Variants in RORA observed in about 807,000 individuals in gnomAD.
RORA encodes the protein nuclear receptor ROR-alpha.
A neutral mutation model predicts 69.5 loss-of-function variants in RORA; 7 were observed. The observed-to-expected ratio is 0.10, with a 90% CI of 0.06 to 0.19. RORA has a LOEUF of 0.19. Ranked by LOEUF, RORA falls within the 10% of genes least tolerant of loss-of-function variation. The pLI, the probability that RORA is intolerant of heterozygous loss-of-function variation, is 1.00. For missense variants in RORA, 457 were observed against 663.0 expected, an observed-to-expected ratio of 0.69 and a Z score of 3.41; for synonymous variants, 261 against 240.8, an observed-to-expected ratio of 1.08 and a Z score of -0.78.
intron 1 of RORA, among the ~76,000 whole-genome samples, chr15:61,181,642 A>G (rs1176036555): frequency 4.0e-5 from 6 of 151,768 alleles, no homozygotes; most frequent in Non-Finnish European, 7.4e-5. Context: ...CATTAGCAGA[A>G]CAAAGAAAAA....
At chr15:60,839,384 C>T (rs1261339359) in intron 1 of RORA, among the ~76,000 whole-genome samples, 1 of 152,084 alleles carries the variant, frequency 6.6e-6, no homozygotes, top group Non-Finnish European at 1.5e-5. Context: ...TATTTCTTTA[C>T]TTAATTTATC....
chr15:60,524,508 C>T (rs1244215248), intron 3 of RORA, among the ~76,000 whole-genome samples: 9 of 152,326 alleles, frequency 5.9e-5, no homozygotes, highest in East Asian at 1.9e-4. Flanking sequence ...AGAAGACATT[C>T]GGTTGCTCTG....
intron 1 of RORA, among the ~76,000 whole-genome samples, chr15:61,102,476 G>A (rs948226667): frequency 6.6e-6 from 1 of 152,172 alleles, no homozygotes; most frequent in Non-Finnish European, 1.5e-5. Context: ...CAAGCCTTTC[G>A]TTTTTGCTCT....
chr15:61,125,696 T>C (rs1198560516), intron 1 of RORA, among the ~76,000 whole-genome samples: 1 of 152,252 alleles, frequency 6.6e-6, no homozygotes, highest in East Asian at 1.9e-4. Flanking sequence ...GCAAGAATTT[T>C]CTTGTTCTGT....
At chr15:60,770,909 T>C (rs1050147542) in intron 1 of RORA, among the ~76,000 whole-genome samples, 9 of 152,220 alleles carry the variant, frequency 5.9e-5, no homozygotes, top group African/African-American at 2.2e-4. Context: ...GGTAAAATGC[T>C]AGATACCCAG....
rs925295697 is a variant in RORA, at chr15:60,534,362, G to C, written c.197-2511C>G. ...CACTGTGACACAGGACTGATGGCCTGAGTCAGGCTTCAGCTTGCAGGGGTT... is the reference window on the plus strand; with the variant it reads ...CACTGTGACACAGGACTGATGGCCTCAGTCAGGCTTCAGCTTGCAGGGGTT... On this transcript the variant is annotated intron_variant, in intron 2 of 10. Coordinates refer to ENST00000335670, the MANE Select transcript of RORA (RefSeq NM_134261.3). The surrounding 1 kb of genome is among the most constrained non-coding windows in gnomAD (Gnocchi z 5.0). Among the ~76,000 whole-genome samples the C allele has an allele frequency of 6.6e-6, 1 of 152,296 alleles. No individual in the cohort carries two copies. The highest frequency in any genetic ancestry group is 1.9e-4 in the East Asian group (1 of 5,176).
intron 1 of RORA, among the ~76,000 whole-genome samples, chr15:60,967,619 CT>C (rs2140348512): frequency 6.6e-6 from 1 of 152,330 alleles, no homozygotes; most frequent in African/African-American, 2.4e-5. Context: ...AGGAAACAGA[CT>C]TTGGCATTTG....
At chr15:60,744,743 G>A (rs2071624141) in intron 1 of RORA, among the ~76,000 whole-genome samples, 1 of 152,206 alleles carries the variant, frequency 6.6e-6, no homozygotes, top group Non-Finnish European at 1.5e-5. Context: ...CTGTCCTGGT[G>A]ATAACAATGG....
rs142376207 is a variant in RORA at position 60,921,754 on chromosome 15, C to T, written c.167-243068G>A. Reference sequence around the variant, plus strand: ...GCTTTTGGAATTCACTTTACCTTTACGCTACATCTTCCTCATCTGCGAAAC... The same window carrying T: ...GCTTTTGGAATTCACTTTACCTTTATGCTACATCTTCCTCATCTGCGAAAC... On this transcript the variant is annotated intron_variant, in intron 1 of 10. Coordinates refer to ENST00000335670, the MANE Select transcript of RORA (RefSeq NM_134261.3). 1.8e-3 allele frequency among the ~76,000 whole-genome samples: 271 copies of T among 152,294 alleles called. 2 individuals are homozygous for T. The highest frequency in any genetic ancestry group is 6.0e-3 in the African/African-American group (251 of 41,560).
chr15:61,206,232 C>A (rs997366068), intron 1 of RORA, among the ~76,000 whole-genome samples: 6 of 152,054 alleles, frequency 3.9e-5, no homozygotes, highest in East Asian at 3.9e-4. Flanking sequence ...AATATAAGAA[C>A]TGATTATTGC....
intron 2 of RORA, among the ~76,000 whole-genome samples, chr15:60,601,426 T>A (rs994195027): frequency 6.6e-6 from 1 of 152,208 alleles, no homozygotes; most frequent in African/African-American, 2.4e-5. Flanking sequence ...TTGAGGGAAG[T>A]TTATTTTGTA....
chr15:60,661,179 T>TA (rs2070298439), intron 2 of RORA, among the ~76,000 whole-genome samples: 1 of 151,796 alleles, frequency 6.6e-6, no homozygotes, highest in Non-Finnish European at 1.5e-5. Context: ...TACCTTTATA[T>TA]AAAAAAATCA....
chr15:60,997,425 ATTAGTT>A (rs1894591003), intron 1 of RORA, among the ~76,000 whole-genome samples: 1 of 152,144 alleles, frequency 6.6e-6, no homozygotes, highest in South Asian at 2.1e-4. Context: ...CCAGTTTTGC[ATTAGTT>A]TTATTTTACA....
intron 1 of RORA, among the ~76,000 whole-genome samples, chr15:60,841,726 C>T (rs557477964): frequency 7.9e-5 from 12 of 152,326 alleles, no homozygotes; most frequent in African/African-American, 2.2e-4. Flanking sequence ...TTTCTGCCCT[C>T]GTTCTCTCCT....
At chr15:60,512,702 A>G (rs1466466815) in intron 4 of RORA, among the ~76,000 whole-genome samples, 1 of 152,206 alleles carries the variant, frequency 6.6e-6, no homozygotes, top group Admixed American at 6.5e-5. Flanking sequence ...ATAATGTATG[A>G]TCCTTGTTGG....
intron 1 of RORA, among the ~76,000 whole-genome samples, chr15:61,112,404 G>A (rs185833252): frequency 6.6e-6 from 1 of 152,238 alleles, no homozygotes; most frequent in Admixed American, 6.5e-5. Context: ...CGCGTTTCCA[G>A]CCTGGGAAAG....
intron 1 of RORA, among the ~76,000 whole-genome samples, chr15:60,829,085 G>C (rs1289970524): frequency 6.6e-6 from 1 of 152,166 alleles, no homozygotes; most frequent in Admixed American, 6.5e-5. Flanking sequence ...GTCAGACAGA[G>C]CATTCAGTAA....
chr15:60,531,892 T>C lies in RORA; in HGVS notation c.197-41A>G, dbSNP rs148701113. 7 of 1,244,294 alleles carry C rather than the reference T, an allele frequency of 5.6e-6. No individual in the cohort carries two copies. Among genetic ancestry groups the C allele is most frequent in the Middle Eastern group, 1.9e-4 (1 of 5,286 alleles). 77.1% of individuals were successfully genotyped at this position (1,244,294 alleles called of 1,614,324 possible). A position where few individuals can be genotyped will look rare whatever the true frequency, so the allele number is the denominator to read the frequency against. ...GCAACCAGTTAATTACATTTTCTTT[T>C]AAACACCTTATAAAAGCGTTCCCTG... is the stretch of plus-strand genomic sequence containing the variant. On this transcript the variant is annotated intron_variant, in intron 2 of 10. Transcript: ENST00000335670. The surrounding 1 kb of genome is among the most constrained non-coding windows in gnomAD (Gnocchi z 4.8).
At chr15:61,154,768 T>A (rs1375359859) in intron 1 of RORA, among the ~76,000 whole-genome samples, 1 of 152,104 alleles carries the variant, frequency 6.6e-6, no homozygotes, top group African/African-American at 2.4e-5. Flanking sequence ...TGCCTCAGTG[T>A]GAGTGTGTGT....
Sources: gnomAD v4.1 joint callset for allele counts (sites outside exome capture counted in the v4.1 genomes callset) on GRCh38, gnomAD v4.1.1 for gene constraint, Gnocchi (gnomAD v3.1) non-coding constraint, MANE v1.5 for transcripts, NCBI Gene and HGNC (gene_info 2026-07-23, HGNC 2026-07-21) for gene names.